The following SLC39A8 variants were observed in gnomAD, a reference collection of about 807,000 sequenced individuals.
SLC39A8 encodes the protein metal cation symporter ZIP8.
In SLC39A8, 15 loss-of-function variants were observed where a neutral mutation model predicts 40.4. That is an observed-to-expected ratio of 0.37 (90% CI 0.25 to 0.57). The LOEUF is 0.57. SLC39A8 is among the 20% of genes least tolerant of loss of function. SLC39A8 has a pLI of 0.75. For synonymous variants in SLC39A8, 223 were observed against 221.6 expected (o/e 1.01, Z -0.06); for missense variants, 472 against 558.8 (o/e 0.84, Z 1.57).
chr4:102,307,535 T>C lies in SLC39A8; in HGVS notation c.453A>G (p.Pro151=). 1 of 1,613,458 alleles carries C rather than the reference T, an allele frequency of 6.2e-7. No individual in the cohort carries two copies. The highest frequency in any genetic ancestry group is 8.5e-7 in the Non-Finnish European group (1 of 1,179,624). ...TTGGGAAATAAGATTTCTTTATCAGTGGAGTCAAAATCAATCCGAGGAGAG... is the reference window on the plus strand; with the variant it reads ...TTGGGAAATAAGATTTCTTTATCAGCGGAGTCAAAATCAATCCGAGGAGAG... ...LASLLGLILT[P]LIKKSYFPKI... The change falls in exon 4 of 9, where the codon CCA becomes CCG. Residue 151 remains proline, a synonymous_variant. Transcript: ENST00000356736.
Position 102,315,732 on chromosome 4 carries a change from C to T in SLC39A8, c.318G>A (p.Gln106=), listed in dbSNP as rs1734625061. 1.2e-6 allele frequency: 2 copies of T among 1,613,254 alleles called. No homozygotes were observed. The highest frequency in any genetic ancestry group is 1.3e-5 in the African/African-American group (1 of 74,954). The change falls in exon 3 of 9, where the codon CAG becomes CAA. Residue 106 remains glutamine, a synonymous_variant. Coordinates refer to ENST00000356736, the MANE Select transcript of SLC39A8 (RefSeq NM_001135146.2). Reference sequence around the variant, plus strand: ...CCTCACATGGGTGAAAGTTCAATTGCTGTAAGACTGCTGGACAGATGACAG... The same window carrying T: ...CCTCACATGGGTGAAAGTTCAATTGTTGTAAGACTGCTGGACAGATGACAG... ...KFSVICPAVL[Q]QLNFHPCEDR...
chr4:102,335,601 T>C (rs1398199020), intron 2 of SLC39A8, among the ~76,000 whole-genome samples: 2 of 152,204 alleles, frequency 1.3e-5, no homozygotes, highest in Non-Finnish European at 2.9e-5. Context: ...GTGATGCCAA[T>C]CTGGGGCAAA....
chr4:102,325,162 C>T (rs943459858), intron 2 of SLC39A8, among the ~76,000 whole-genome samples: 4 of 151,996 alleles, frequency 2.6e-5, no homozygotes, highest in African/African-American at 9.7e-5. Flanking sequence ...TCTTTAAAGT[C>T]CTCTTCAAAG....
rs189316637 is a variant in SLC39A8 at position 102,340,497 on chromosome 4, C to A, written c.219+3947G>T. Among the ~76,000 whole-genome samples the A allele has an allele frequency of 8.5e-5, 13 of 152,150 alleles. No homozygotes were observed. In the East Asian group the frequency reaches 1.5e-3, roughly 18 times the overall value. On this transcript the variant is annotated intron_variant, in intron 2 of 8. Coordinates refer to ENST00000356736, the MANE Select transcript of SLC39A8 (RefSeq NM_001135146.2). ...AGCATAATCAGGTATTTCTAGAGAA[C>A]CAGGCAGTGTAAATGGTCCATTAAG...
intron 6 of SLC39A8, among the ~76,000 whole-genome samples, chr4:102,275,617 C>T (rs1732583220): frequency 6.6e-6 from 1 of 152,160 alleles, no homozygotes; most frequent in Non-Finnish European, 1.5e-5. Flanking sequence ...TTGAACTCAG[C>T]TCTGGACCAA....
intron 6 of SLC39A8, among the ~76,000 whole-genome samples, chr4:102,291,915 A>G (rs965489004): frequency 2.0e-5 from 3 of 151,896 alleles, no homozygotes; most frequent in African/African-American, 7.2e-5. Context: ...AAGGCTGCAT[A>G]TTTTAAAACC....
intron 2 of SLC39A8, among the ~76,000 whole-genome samples, chr4:102,337,233 C>CAA (rs34502649): frequency 0.016 from 1,810 of 110,028 alleles, 47 homozygotes; most frequent in African/African-American, 0.054. Flanking sequence ...TCACTTTTCT[C>CAA]AAAAAAAAAA....
chr4:102,272,278 T>C (rs1732395681), intron 6 of SLC39A8, among the ~76,000 whole-genome samples: 1 of 151,496 alleles, frequency 6.6e-6, no homozygotes, highest in Non-Finnish European at 1.5e-5. Context: ...CTAAAAATAC[T>C]AATAAAAAAA....
chr4:102,255,065 A>C (rs1050460036), intron 11 of SLC39A8, among the ~76,000 whole-genome samples: 1 of 152,212 alleles, frequency 6.6e-6, no homozygotes, highest in African/African-American at 2.4e-5. Flanking sequence ...GTTTTGAAAG[A>C]TTTTTGCTCA....
At chr4:102,282,228 T>C (rs1438135310) in intron 6 of SLC39A8, among the ~76,000 whole-genome samples, 1 of 152,204 alleles carries the variant, frequency 6.6e-6, no homozygotes, top group African/African-American at 2.4e-5. Context: ...ACCCAGAATG[T>C]AGTAGCACTG....
chr4:102,306,837 A>G (rs1453757462), intron 4 of SLC39A8, among the ~76,000 whole-genome samples: 2 of 152,090 alleles, frequency 1.3e-5, no homozygotes, highest in Non-Finnish European at 2.9e-5. Context: ...TAAATTGAAT[A>G]GTGTGCACTA....
At chr4:102,306,361 T>C (rs1011926964) in intron 4 of SLC39A8, among the ~76,000 whole-genome samples, 1 of 151,940 alleles carries the variant, frequency 6.6e-6, no homozygotes, top group Admixed American at 6.6e-5. Flanking sequence ...GCTTTGTTAC[T>C]AGCTGATTGT....
At chr4:102,263,941 C>T (rs1315036467) in intron 8 of SLC39A8, among the ~76,000 whole-genome samples, 1 of 152,172 alleles carries the variant, frequency 6.6e-6, no homozygotes, top group Non-Finnish European at 1.5e-5. Context: ...TTCTAGTTAT[C>T]TTGCCATTTC....
At chr4:102,332,588 T>C (rs563563094) in intron 2 of SLC39A8, among the ~76,000 whole-genome samples, 2 of 152,318 alleles carry the variant, frequency 1.3e-5, no homozygotes, top group South Asian at 4.1e-4. Flanking sequence ...AGTTCAACCA[T>C]TGGGAAAGAC....
chr4:102,257,224 G>A (rs1331267739), downstream of SLC39A8, among the ~76,000 whole-genome samples: 1 of 150,776 alleles, frequency 6.6e-6, no homozygotes, highest in Non-Finnish European at 1.5e-5. Context: ...GCATTATCTC[G>A]GCTCACTGCA....
intron 2 of SLC39A8, among the ~76,000 whole-genome samples, chr4:102,323,520 G>A (rs141923947): frequency 1.6e-4 from 25 of 152,288 alleles, no homozygotes; most frequent in African/African-American, 4.6e-4. Context: ...GATCAGTAAC[G>A]CAAATGAGTA....
intron 6 of SLC39A8, among the ~76,000 whole-genome samples, chr4:102,300,088 T>A (rs190250635): frequency 3.3e-5 from 5 of 152,124 alleles, no homozygotes; most frequent in African/African-American, 1.2e-4. Flanking sequence ...TTTTCCTACA[T>A]CTTCCTTTTT....
chr4:102,260,452 T>C (rs957961008), downstream of SLC39A8, among the ~76,000 whole-genome samples: 6 of 152,204 alleles, frequency 3.9e-5, no homozygotes, highest in Non-Finnish European at 7.4e-5. Flanking sequence ...GAGGAAGAGC[T>C]GAGTTTGAAC....
intron 6 of SLC39A8, among the ~76,000 whole-genome samples, chr4:102,280,702 A>G (rs1338583458): frequency 6.6e-6 from 1 of 152,220 alleles, no homozygotes; most frequent in African/African-American, 2.4e-5. Flanking sequence ...AAATGCACTT[A>G]CCTTCCAGTC....
Sources: gnomAD v4.1 joint callset for allele counts (sites outside exome capture counted in the v4.1 genomes callset) on GRCh38, gnomAD v4.1.1 for gene constraint, MANE v1.5 for transcripts, NCBI Gene and HGNC (gene_info 2026-07-23, HGNC 2026-07-21) for gene names.